GPC5: variants seen among roughly 807,000 people sequenced by gnomAD.
GPC5 encodes the protein glypican 5.
GPC5 carries 47 observed loss-of-function variants against 53.9 expected under a neutral mutation model. The ratio of observed to expected loss-of-function variants is 0.87; its 90% CI spans 0.69 to 1.11. The LOEUF (loss-of-function observed/expected upper bound fraction) is 1.11, where lower values mean the gene tolerates loss of function less well. Ranked by LOEUF, GPC5 falls within the 50% of genes most tolerant of loss-of-function variation. The probability of loss-of-function intolerance (pLI) is 0.00; values close to 1 mark genes in which losing one functional copy is unlikely to be tolerated. For synonymous variants in GPC5, 286 were observed against 263.3 expected (o/e 1.09, Z -0.84); for missense variants, 748 against 713.1 (o/e 1.05, Z -0.56).
chr13:91,983,958 T>C lies in GPC5; in HGVS notation c.1401+75901T>C, dbSNP rs191790478. ...ATAAATTTCATAAACATTCAGTAGA[T>C]TGCCAATTTGGCTTCATCAGCACTC... On this transcript the variant is annotated intron_variant, in intron 6 of 7. Coordinates refer to ENST00000377067, the MANE Select transcript of GPC5 (RefSeq NM_004466.6). Among the ~76,000 whole-genome samples the C allele has an allele frequency of 5.3e-5, 8 of 152,346 alleles. No homozygotes were observed. In the East Asian group the frequency reaches 1.4e-3, roughly 26 times the overall value.
chr13:91,814,858 T>C (rs139020149), intron 5 of GPC5, among the ~76,000 whole-genome samples: 60 of 152,286 alleles, frequency 3.9e-4, no homozygotes, highest in African/African-American at 1.4e-3. Context: ...TATTTTTTAA[T>C]TGAATGCTGT....
At chr13:92,160,398 G>A (rs1034461964) in intron 7 of GPC5, among the ~76,000 whole-genome samples, 4 of 152,148 alleles carry the variant, frequency 2.6e-5, no homozygotes, top group Admixed American at 6.5e-5. Context: ...CTTCGGGTGC[G>A]GGGAGTAAAA....
At chr13:92,591,275 T>C (rs944726115) in intron 7 of GPC5, among the ~76,000 whole-genome samples, 5 of 152,066 alleles carry the variant, frequency 3.3e-5, no homozygotes, top group Non-Finnish European at 5.9e-5. Flanking sequence ...GATGACTGGG[T>C]ACATTGACTG....
chr13:91,838,020 G>C (rs2038741622), intron 5 of GPC5, among the ~76,000 whole-genome samples: 1 of 152,144 alleles, frequency 6.6e-6, no homozygotes, highest in Non-Finnish European at 1.5e-5. Context: ...ATTCTGAATA[G>C]ATAGAATGCA....
chr13:92,159,751 C>T (rs1373449333), intron 7 of GPC5, among the ~76,000 whole-genome samples: 3 of 151,226 alleles, frequency 2.0e-5, no homozygotes, highest in Admixed American at 6.6e-5. Context: ...TACAGGCGCC[C>T]GTCACCACGC....
At chr13:92,219,701 C>T (rs185300631) in intron 7 of GPC5, among the ~76,000 whole-genome samples, 291 of 152,306 alleles carry the variant, frequency 1.9e-3, no homozygotes, top group Non-Finnish European at 3.6e-3. Flanking sequence ...TGATTGGTCA[C>T]CTTCCACAAC....
intron 1 of GPC5, among the ~76,000 whole-genome samples, chr13:91,412,705 C>T (rs923391300): frequency 6.6e-6 from 1 of 152,178 alleles, no homozygotes; most frequent in African/African-American, 2.4e-5. Context: ...TCTAATGTTC[C>T]TGTGACTGTA....
intron 1 of GPC5, among the ~76,000 whole-genome samples, chr13:91,439,705 C>G (rs990723307): frequency 8.5e-5 from 13 of 152,204 alleles, no homozygotes; most frequent in Admixed American, 7.2e-4. Flanking sequence ...ATTCCCCTCT[C>G]TCTATCATCT....
At chr13:91,925,524 T>A (rs1405634649) in intron 6 of GPC5, among the ~76,000 whole-genome samples, 1 of 152,166 alleles carries the variant, frequency 6.6e-6, no homozygotes, top group Non-Finnish European at 1.5e-5. Flanking sequence ...AACGATTAAA[T>A]GAGGGGATCA....
chr13:92,275,906 G>A (rs35582336), intron 7 of GPC5, among the ~76,000 whole-genome samples: 1,927 of 152,190 alleles, frequency 0.013, 37 homozygotes, highest in Middle Eastern at 0.044. Context: ...TTTGTTGGGG[G>A]TAATAGCCCA....
In GPC5 at chr13:91,728,588, T is replaced by A. The variant is rs1385472268; in HGVS notation, c.1077T>A (p.Ser359=). ...VRTPTQSPRC[S]FDQSKEKHGM... ...CACCCACACAAAGCCCCCGTTGTTCTTTTGATCAGAGCAAAGAGAAGCATG... is the reference window on the plus strand; with the variant it reads ...CACCCACACAAAGCCCCCGTTGTTCATTTGATCAGAGCAAAGAGAAGCATG... Residue 359 remains serine, a synonymous_variant, in exon 4 of 8, where the codon TCT becomes TCA. Transcript: ENST00000377067. 6.2e-7 allele frequency: 1 copy of A among 1,613,402 alleles called. No homozygotes were observed.
intron 2 of GPC5, among the ~76,000 whole-genome samples, chr13:91,520,946 T>C (rs1885778918): frequency 6.6e-6 from 1 of 152,262 alleles, no homozygotes; most frequent in African/African-American, 2.4e-5. Context: ...TATATTGAGA[T>C]TTGGGCATTT....
intron 2 of GPC5, among the ~76,000 whole-genome samples, chr13:91,614,560 A>G (rs1354497332): frequency 1.3e-5 from 2 of 151,976 alleles, no homozygotes; most frequent in Non-Finnish European, 2.9e-5. Context: ...TTGAGCTCCT[A>G]GAGATGAATG....
chr13:92,697,376 T>C (rs1024757375), intron 7 of GPC5, among the ~76,000 whole-genome samples: 1 of 152,074 alleles, frequency 6.6e-6, no homozygotes, highest in Non-Finnish European at 1.5e-5. Flanking sequence ...TATTTCCTTG[T>C]GCAGTGGTTT....
intron 7 of GPC5, among the ~76,000 whole-genome samples, chr13:92,446,243 C>A (rs777847261): frequency 5.3e-5 from 8 of 151,596 alleles, no homozygotes; most frequent in Non-Finnish European, 8.8e-5. Context: ...TCTGCCTTAA[C>A]CCCCTGGTAC....
intron 7 of GPC5, among the ~76,000 whole-genome samples, chr13:92,282,772 C>G (rs565683380): frequency 4.6e-5 from 7 of 152,058 alleles, no homozygotes; most frequent in Non-Finnish European, 8.8e-5. Context: ...CAAAAGATAC[C>G]GGCCACTGCA....
At chr13:92,291,999 C>T (rs936260570) in intron 7 of GPC5, among the ~76,000 whole-genome samples, 3 of 152,176 alleles carry the variant, frequency 2.0e-5, no homozygotes, top group African/African-American at 4.8e-5. Context: ...CACAAGGGTC[C>T]GCGGCTTCAT....
In GPC5 at chr13:92,357,591, C is replaced by T. The variant is rs148536049; in HGVS notation, c.1561+212602C>T. Among the ~76,000 whole-genome samples the T allele has an allele frequency of 1.2e-3, 177 of 151,620 alleles. 10 individuals carry two copies. Among genetic ancestry groups the T allele is most frequent in the African/African-American group, 4.1e-3 (168 of 40,972 alleles). ...TTGCTATAAAGAACTACCAGAGACT[C>T]GGTAATTTATAAAGAAAAGAGACTT... On this transcript the variant is annotated intron_variant, in intron 7 of 7. Transcript: ENST00000377067.
chr13:91,886,934 C>A (rs2039329561), intron 5 of GPC5, among the ~76,000 whole-genome samples: 1 of 152,084 alleles, frequency 6.6e-6, no homozygotes, highest in African/African-American at 2.4e-5. Context: ...ATCTACTGTT[C>A]TAGGGTCTGG....
Sources: allele counts gnomAD v4.1 joint callset (sites outside exome capture counted in the v4.1 genomes callset), GRCh38; gene constraint gnomAD v4.1.1; transcripts MANE v1.5; gene names NCBI Gene and HGNC (gene_info 2026-07-23, HGNC 2026-07-21).